ZNF141: variants seen among roughly 807,000 people sequenced by gnomAD.
ZNF141 encodes the protein zinc finger protein 141 (clone pHZ-44).
In ZNF141, 7 loss-of-function variants were observed where a neutral mutation model predicts 11.3. The observed-to-expected ratio is 0.62, with a 90% CI of 0.35 to 1.16. The LOEUF (loss-of-function observed/expected upper bound fraction) is 1.16, where lower values mean the gene tolerates loss of function less well. Among genes scored for constraint, ZNF141 ranks in the 50% most tolerant of loss-of-function variants. ZNF141 has a pLI of 0.02. For missense variants in ZNF141, 535 were observed against 554.0 expected (o/e 0.97, Z 0.34); for synonymous variants, 183 against 190.7 (o/e 0.96, Z 0.33).
chr4:338,773 T>C (rs888617896), intron 1 of ZNF141, among the ~76,000 whole-genome samples: 2 of 152,262 alleles, frequency 1.3e-5, no homozygotes, highest in Admixed American at 1.3e-4. Flanking sequence ...CTGTGCTGAC[T>C]CCGGGTGGTG....
At position 384,496 on chromosome 4, in the gene ZNF141, T is replaced by A. The variant is rs1308107863; in HGVS notation, c.*10634T>A. On this transcript the variant is annotated 3_prime_UTR_variant, in exon 4 of 4. Transcript: ENST00000240499. ...TGCCAGGGTGTTGATCAGAAGAGAC[T>A]GTCCCACTTAGGCCCAGGTGTAATG... 6.6e-6 allele frequency: 1 copy of A among 152,242 alleles called. No homozygotes were observed. Among genetic ancestry groups the A allele is most frequent in the African/African-American group, 2.4e-5 (1 of 41,450 alleles). 9.4% of individuals were successfully genotyped at this position (152,242 alleles called of 1,614,324 possible).
intron 3 of ZNF141, among the ~76,000 whole-genome samples, chr4:346,769 G>A (rs1195977061): frequency 6.6e-6 from 1 of 151,764 alleles, no homozygotes; most frequent in Non-Finnish European, 1.5e-5. Context: ...TGCCCTCCAG[G>A]TCTATCCATG....
At position 373,321 on chromosome 4, in the gene ZNF141, C is replaced by T; in HGVS notation, c.884C>T (p.Ser295Phe). The T allele has an allele frequency of 6.2e-7, 1 of 1,613,762 alleles. No individual in the cohort carries two copies. The highest frequency in any genetic ancestry group is 1.1e-5 in the South Asian group (1 of 91,042). ...GAATGTAGGAAAATCTTTACCTCAT[C>T]CTCAAACTTTGCCAAACATAAGCGA... ...CEECRKIFTSSSNFAKHKRIH... is the reference protein window; with the variant it reads ...CEECRKIFTSFSNFAKHKRIH... The change falls in exon 4 of 4, where the codon TCC becomes TTC. Residue 295 changes from serine (S) to phenylalanine (F), a missense_variant. Coordinates refer to ENST00000240499, the MANE Select transcript of ZNF141 (RefSeq NM_003441.4).
intron 1 of ZNF141, chr4:338,354 C>T (rs1720890348): frequency 4.1e-6 from 1 of 246,732 alleles, no homozygotes; most frequent in African/African-American, 2.3e-5. Flanking sequence ...GAGATCGAGG[C>T]CCCATCAAAA....
intron 3 of ZNF141, among the ~76,000 whole-genome samples, chr4:353,522 G>A (rs1721708019): frequency 6.7e-6 from 1 of 149,950 alleles, no homozygotes; most frequent in African/African-American, 2.5e-5. Context: ...GTGCAGTGGC[G>A]AGATCTCGGC....
At chr4:350,773 T>C (rs536036794) in intron 3 of ZNF141, among the ~76,000 whole-genome samples, 1 of 152,300 alleles carries the variant, frequency 6.6e-6, no homozygotes, top group South Asian at 2.1e-4. Context: ...GGAGTCTCGC[T>C]CTGTGGCTCA....
chr4:367,682 A>G (rs1236273861), intron 3 of ZNF141, among the ~76,000 whole-genome samples: 2 of 151,732 alleles, frequency 1.3e-5, no homozygotes, highest in Non-Finnish European at 2.9e-5. Flanking sequence ...ATGCCCAACT[A>G]ATTTTTGTAT....
Position 346,122 on chromosome 4 carries a change from G to A in ZNF141, c.226+1692G>A, listed in dbSNP as rs139648530. Among the ~76,000 whole-genome samples, 7 of 152,262 alleles carry A rather than the reference G, an allele frequency of 4.6e-5. No individual in the cohort carries two copies. In the East Asian group the frequency reaches 1.3e-3, roughly 29 times the overall value. On this transcript the variant is annotated intron_variant, in intron 3 of 3. Coordinates refer to ENST00000240499, the MANE Select transcript of ZNF141 (RefSeq NM_003441.4). ...AATTCTCACTTAACATTGTTGATAG[G>A]TTCTTGGAAACTGAGGGAAGCAACA...
intron 3 of ZNF141, among the ~76,000 whole-genome samples, chr4:345,347 C>T (rs1479528142): frequency 6.6e-6 from 1 of 151,986 alleles, no homozygotes; most frequent in Non-Finnish European, 1.5e-5. Flanking sequence ...AGTATAAACT[C>T]GTTTGTAATG....
intron 3 of ZNF141, among the ~76,000 whole-genome samples, chr4:351,178 C>T (rs1721581827): frequency 6.6e-6 from 1 of 151,928 alleles, no homozygotes; most frequent in Non-Finnish European, 1.5e-5. Flanking sequence ...GAGGCCTCCC[C>T]AAAAGTAGAA....
intron 1 of ZNF141, chr4:342,712 C>T (rs556909350): frequency 3.7e-6 from 4 of 1,072,194 alleles, no homozygotes. Flanking sequence ...GTGTTCTGCC[C>T]ACAGATCCTG....
chr4:365,064 G>A (rs970412707), intron 3 of ZNF141, among the ~76,000 whole-genome samples: 3 of 152,216 alleles, frequency 2.0e-5, no homozygotes, highest in South Asian at 2.1e-4. Flanking sequence ...CTGCCAGGCT[G>A]CTGCCTGGCA....
intron 3 of ZNF141, among the ~76,000 whole-genome samples, 174 bp from the exon 4 acceptor site, chr4:372,490 A>G (rs1553853690): frequency 2.0e-5 from 3 of 152,220 alleles, no homozygotes; most frequent in African/African-American, 7.2e-5. Flanking sequence ...TTTCACAGAA[A>G]GGTGTCTTTG....
intron 3 of ZNF141, among the ~76,000 whole-genome samples, chr4:365,660 C>T (rs1401233826): frequency 6.6e-6 from 1 of 152,172 alleles, no homozygotes; most frequent in Non-Finnish European, 1.5e-5. Flanking sequence ...ATCCCATTTG[C>T]ATAATGTTAC....
Position 383,147 on chromosome 4 carries a change from A to T in ZNF141, c.*9285A>T. On this transcript the variant is annotated 3_prime_UTR_variant, in exon 4 of 4. Transcript: ENST00000240499. ...CCATTTTAGCTTTCTGGAGAATAGC[A>T]TCTGAGAAAAGCCAAAGTGCCTCAG... 1 of 701,796 alleles carries T rather than the reference A, an allele frequency of 1.4e-6. No individual in the cohort carries two copies. The highest frequency in any genetic ancestry group is 1.5e-5 in the South Asian group (1 of 67,452). The allele number at this position is 701,796 out of a possible 1,614,324, so 43.5% of individuals were successfully genotyped here.
In ZNF141 at chr4:382,022, T is replaced by C. The variant is rs1235977326; in HGVS notation, c.*8160T>C. Among the ~76,000 whole-genome samples, 11 of 147,690 alleles carry C rather than the reference T, an allele frequency of 7.4e-5. No individual in the cohort carries two copies. Among genetic ancestry groups the C allele is most frequent in the African/African-American group, 2.6e-4 (10 of 39,136 alleles). ...GTGCAGTGGCTCGATCTCGGCTCAC[T>C]GCAAGCTCCACCTCCCAGGTTCACG... On this transcript the variant is annotated 3_prime_UTR_variant, in exon 4 of 4. Transcript: ENST00000240499.
At chr4:363,712 C>T (rs1711590300) in intron 3 of ZNF141, among the ~76,000 whole-genome samples, 1 of 150,072 alleles carries the variant, frequency 6.7e-6, no homozygotes, top group South Asian at 2.2e-4. Context: ...GAGCCAAGAT[C>T]GTGCCACTGT....
chr4:346,858 C>T (rs1259929467), intron 3 of ZNF141, among the ~76,000 whole-genome samples: 2 of 143,422 alleles, frequency 1.4e-5, no homozygotes, highest in African/African-American at 2.7e-5. Context: ...TATGTATATA[C>T]ATGTATGTAT....
Position 376,648 on chromosome 4 carries a change from T to A in ZNF141, c.*2786T>A, listed in dbSNP as rs73219217. Among the ~76,000 whole-genome samples, 25,209 of 152,122 alleles carry A rather than the reference T, an allele frequency of 0.17. 2,830 individuals carry two copies. The highest frequency in any genetic ancestry group is 0.32 in the African/African-American group (13,280 of 41,496). On this transcript the variant is annotated 3_prime_UTR_variant, in exon 4 of 4. Coordinates refer to ENST00000240499, the MANE Select transcript of ZNF141 (RefSeq NM_003441.4). ...AGTTCCATTTACATGAAGTTAAGTA[T>A]GTAAATGTGTTGCTGTAAAGATAAA...
Sources: allele counts gnomAD v4.1 joint callset (sites outside exome capture counted in the v4.1 genomes callset), GRCh38; gene constraint gnomAD v4.1.1; transcripts MANE v1.5; gene names NCBI Gene and HGNC (gene_info 2026-07-23, HGNC 2026-07-21).